Variants in ITPR2 observed in about 807,000 individuals in gnomAD.
ITPR2 encodes inositol 1,4,5-trisphosphate receptor type 2, also known as inositol 1,4,5-trisphosphate-gated calcium channel ITPR2.
Under a neutral mutation model 317.1 loss-of-function variants are expected in ITPR2, and 207 were observed. The observed-to-expected ratio is 0.65, with a 90% CI of 0.58 to 0.73. The LOEUF (loss-of-function observed/expected upper bound fraction) is 0.73. Among genes scored for constraint, ITPR2 ranks in the 30% least tolerant of loss-of-function variants. ITPR2 has a pLI of 0.00. For synonymous variants in ITPR2, 1,156 were observed against 1,149.1 expected (o/e 1.01, Z -0.12); for missense variants, 2,613 against 3,284.0 (o/e 0.80, Z 4.99).
At chr12:26,761,960 T>C (rs556423941) in intron 2 of ITPR2, among the ~76,000 whole-genome samples, 4 of 152,134 alleles carry the variant, frequency 2.6e-5, no homozygotes, top group African/African-American at 9.6e-5. Context: ...AACTGAAAAA[T>C]TCCATAAAGG....
intron 1 of ITPR2, among the ~76,000 whole-genome samples, chr12:26,819,065 T>A (rs1023586930): frequency 5.3e-5 from 8 of 152,232 alleles, no homozygotes; most frequent in Non-Finnish European, 7.4e-5. Flanking sequence ...ATTACATTTT[T>A]AAATATCTAG....
intron 13 of ITPR2, among the ~76,000 whole-genome samples, chr12:26,675,895 C>G (rs953706742): frequency 2.0e-5 from 3 of 152,182 alleles, no homozygotes; most frequent in Non-Finnish European, 4.4e-5. Context: ...CAGTGGCTCA[C>G]GCCTGTAATC....
chr12:26,426,805 T>C (rs1042894162), intron 49 of ITPR2, among the ~76,000 whole-genome samples: 1 of 151,488 alleles, frequency 6.6e-6, no homozygotes. Context: ...GACTATTTTA[T>C]TAATTCATTT....
intron 34 of ITPR2, among the ~76,000 whole-genome samples, chr12:26,565,527 T>TAGATAGAC (rs368553155): frequency 0.13 from 17,440 of 139,044 alleles, 1,195 homozygotes; most frequent in Non-Finnish European, 0.16. Flanking sequence ...GATAGATAGA[T>TAGATAGAC]AGACAGACAG....
chr12:26,380,881 C>A (rs954686037), intron 55 of ITPR2, among the ~76,000 whole-genome samples: 15 of 152,320 alleles, frequency 9.8e-5, no homozygotes, highest in African/African-American at 3.6e-4. Context: ...ATTGCTAGTT[C>A]TTTCCCCTCC....
rs564692147 is a variant in ITPR2 at position 26,833,064 on chromosome 12, T to G, written c.-283A>C. The G allele has an allele frequency of 5.8e-4, 242 of 419,198 alleles. No individual in the cohort carries two copies. Among genetic ancestry groups the G allele is most frequent in the Non-Finnish European group, 8.9e-4 (212 of 238,106 alleles). 26.0% of individuals were successfully genotyped at this position (419,198 alleles called of 1,614,324 possible). On this transcript the variant is annotated 5_prime_UTR_variant, in exon 1 of 57. Transcript: ENST00000381340. ...GCCGCCGCCTCCCCGGCAGGTTTCC[T>G]GTTCCTTTCTGAAGTTTTCTCTCCA...
chr12:26,622,196 T>A, intron 25 of ITPR2, 44 bp downstream of exon 25: 1 of 1,560,566 alleles, frequency 6.4e-7, no homozygotes, highest in Non-Finnish European at 8.7e-7. Context: ...ATTAACACTT[T>A]CAGAGCTTTT....
At chr12:26,775,778 T>C (rs1186732515) in intron 2 of ITPR2, among the ~76,000 whole-genome samples, 1 of 151,586 alleles carries the variant, frequency 6.6e-6, no homozygotes, top group Non-Finnish European at 1.5e-5. Context: ...CTTACATCTT[T>C]CTCCTGTGCT....
chr12:26,706,953 C>T (rs1379044290), intron 9 of ITPR2, among the ~76,000 whole-genome samples: 8 of 152,214 alleles, frequency 5.3e-5, no homozygotes, highest in Admixed American at 3.3e-4. Context: ...TACACAGGAC[C>T]GCCCTTTTAT....
chr12:26,383,514 T>TGC lies in ITPR2; in HGVS notation c.7857+3918_7857+3919dup, dbSNP rs554038133. Among the ~76,000 whole-genome samples the TGC allele has an allele frequency of 2.4e-4, 37 of 152,170 alleles. No homozygotes were observed. The East Asian group carries it at 5.6e-3, about 23-fold the overall frequency. ...TGTTTGTTTTTTTGAGATGGAGTCT[T>TGC]GCTCTGTTGCCCAGGCTGGAGGGCA... On this transcript the variant is annotated intron_variant, in intron 55 of 56. Coordinates refer to ENST00000381340, the MANE Select transcript of ITPR2 (RefSeq NM_002223.4).
intron 21 of ITPR2, among the ~76,000 whole-genome samples, chr12:26,632,913 G>A (rs182288430): frequency 3.3e-5 from 5 of 152,282 alleles, no homozygotes; most frequent in Admixed American, 2.6e-4. Flanking sequence ...ATGTTCTCCA[G>A]CCTGAATGCT....
At chr12:26,565,057 C>T (rs934848948) in intron 34 of ITPR2, among the ~76,000 whole-genome samples, 5 of 152,244 alleles carry the variant, frequency 3.3e-5, no homozygotes, top group South Asian at 4.2e-4. Flanking sequence ...TTTTGAAACA[C>T]GGACTTTATG....
chr12:26,576,627 ACTCAAG>A (rs1366510971), intron 34 of ITPR2, among the ~76,000 whole-genome samples: 8 of 152,150 alleles, frequency 5.3e-5, no homozygotes, highest in Admixed American at 5.2e-4. Flanking sequence ...GAGAATCAGA[ACTCAAG>A]TGGAGTGAGG....
rs775898828 is a variant in ITPR2, at chr12:26,340,358, G to A, written c.7858-30C>T. ...AAGCAAATAAATGTGTGCGAACAAGGGAATAAGTATGGAAGGGGAGAATGT... is the reference window on the plus strand; with the variant it reads ...AAGCAAATAAATGTGTGCGAACAAGAGAATAAGTATGGAAGGGGAGAATGT... On this transcript the variant is annotated intron_variant, in intron 55 of 56. Transcript: ENST00000381340. The A allele has an allele frequency of 9.6e-6, 15 of 1,562,212 alleles. No individual in the cohort carries two copies. In the African/African-American group the frequency reaches 1.9e-4, roughly 20 times the overall value.
intron 41 of ITPR2, among the ~76,000 whole-genome samples, chr12:26,484,664 T>C (rs966924240): frequency 3.3e-5 from 5 of 152,142 alleles, no homozygotes; most frequent in Admixed American, 2.6e-4. Context: ...AATTGACTAA[T>C]AACCGAAATT....
At position 26,355,838 on chromosome 12, in the gene ITPR2, T is replaced by C. The variant is rs147022080; in HGVS notation, c.7858-15510A>G. Reference sequence around the variant, plus strand: ...TCAGGTTAAAGATCTTGAATGGCTTTTGGGGGTCAGCACAACACAGAGGCC... The same window carrying C: ...TCAGGTTAAAGATCTTGAATGGCTTCTGGGGGTCAGCACAACACAGAGGCC... On this transcript the variant is annotated intron_variant, in intron 55 of 56. Transcript: ENST00000381340. 3.3e-3 allele frequency among the ~76,000 whole-genome samples: 505 copies of C among 152,262 alleles called. 4 individuals carry two copies. Among genetic ancestry groups the C allele is most frequent in the Non-Finnish European group, 5.4e-3 (370 of 68,006 alleles).
At chr12:26,559,047 T>G (rs555517523) in intron 35 of ITPR2, among the ~76,000 whole-genome samples, 1 of 152,356 alleles carries the variant, frequency 6.6e-6, no homozygotes, top group South Asian at 2.1e-4. Context: ...ACTAAATACA[T>G]ACAAAATTAA....
intron 37 of ITPR2, among the ~76,000 whole-genome samples, chr12:26,505,694 CT>C (rs1565567047): frequency 6.6e-6 from 1 of 152,100 alleles, no homozygotes. Flanking sequence ...CTATACCTTT[CT>C]TTTTTTCCTT....
At chr12:26,672,196 A>G (rs372079090) in intron 13 of ITPR2, among the ~76,000 whole-genome samples, 4 of 151,878 alleles carry the variant, frequency 2.6e-5, no homozygotes, top group Non-Finnish European at 5.9e-5. Flanking sequence ...TGCACCAAGC[A>G]GACCTAATAG....
Sources: allele counts gnomAD v4.1 joint callset (sites outside exome capture counted in the v4.1 genomes callset), GRCh38; gene constraint gnomAD v4.1.1; transcripts MANE v1.5; gene names NCBI Gene and HGNC (gene_info 2026-07-23, HGNC 2026-07-21).